PTPRF: variants seen among roughly 807,000 people sequenced by gnomAD.
The protein encoded by PTPRF is receptor-type tyrosine-protein phosphatase F.
A neutral mutation model predicts 201.8 loss-of-function variants in PTPRF; 59 were observed. The observed-to-expected ratio is 0.29, with a 90% CI of 0.24 to 0.36. The LOEUF (loss-of-function observed/expected upper bound fraction) is 0.36, where lower values mean the gene tolerates loss of function less well. Ranked by LOEUF, PTPRF falls within the 10% of genes least tolerant of loss-of-function variation. The pLI is 1.00. For missense variants in PTPRF, 2,132 were observed against 2,690.5 expected, an observed-to-expected ratio of 0.79 and a Z score of 4.59; for synonymous variants, 1,088 against 1,089.7, an observed-to-expected ratio of 1.00 and a Z score of 0.03.
rs754030742 is a variant in PTPRF, at chr1:43,553,973, T to G, written c.379+32T>G. 3 of 1,610,560 alleles carry G rather than the reference T, an allele frequency of 1.9e-6. No individual in the cohort carries two copies. The highest frequency in any genetic ancestry group is 2.5e-6 in the Non-Finnish European group (3 of 1,177,494). The stretch of plus-strand genomic sequence containing the variant: ...GCTAGGGAGACGTGGCACGGTGGGC[T>G]GCCGGGCTGAGGCGTGGGAAGAGCC... On this transcript the variant is annotated intron_variant, in intron 5 of 33. Coordinates refer to ENST00000359947, the MANE Select transcript of PTPRF (RefSeq NM_002840.5). The surrounding 1 kb of genome is among the most constrained non-coding windows in gnomAD (Gnocchi z 4.1).
chr1:43,591,531 C>T lies in PTPRF; in HGVS notation c.1509C>T (p.Ile503=), dbSNP rs1420226841. The T allele has an allele frequency of 6.3e-7, 1 of 1,595,580 alleles. No homozygotes were observed. ...AVGDGPPSPT[I]QVKTQQGVPA... is the part of the protein sequence containing the mutation. ...GCGATGGCCCTCCCAGCCCCACCAT[C>T]CAGGTCAAGACGCAGCAGGGAGGTA... Residue 503 remains isoleucine, a synonymous_variant, in exon 9 of 34, where the codon ATC becomes ATT. Coordinates refer to ENST00000359947, the MANE Select transcript of PTPRF (RefSeq NM_002840.5).
At chr1:43,524,050 CAAAAAAAAAA>C (rs57088994), upstream of PTPRF, among the ~76,000 whole-genome samples, 6 of 80,668 alleles carry the variant, frequency 7.4e-5, 1 homozygote, top group South Asian at 9.7e-4. Context: ...GAGACTCTGT[CAAAAAAAAAA>C]AAAAAAAAAA....
rs1256842342 is a variant in PTPRF at position 43,603,400 on chromosome 1, C to A, written c.2341-16C>A. 1.2e-6 allele frequency: 2 copies of A among 1,608,788 alleles called. No homozygotes were observed. The highest frequency in any genetic ancestry group is 1.7e-6 in the Non-Finnish European group (2 of 1,175,188). ...TGCATTCTTGTGATGGGAACGAACC[C>A]CTCCTCCTCCCTCAGGAAACCACTA... On this transcript the variant is annotated splice_polypyrimidine_tract_variant and intron_variant, in intron 14 of 33. Coordinates refer to ENST00000359947, the MANE Select transcript of PTPRF (RefSeq NM_002840.5). This position sits in a 1 kb window ranked among gnomAD's most constrained non-coding sequence, Gnocchi z 5.8.
rs757908835 is a variant in PTPRF, at chr1:43,603,698, A to G, written c.2546A>G (p.Glu849Gly). ...CACCCACCCAAGGAACTGCCTGGCG[A>G]GCTGCTGGGCTACCGGCTGCAGTAC... ...QWHPPKELPGELLGYRLQYCR... is the reference protein window; with the variant it reads ...QWHPPKELPGGLLGYRLQYCR... The change falls in exon 16 of 34, where the codon GAG (glutamate) becomes GGG (glycine). Residue 849 changes from glutamate to glycine, a missense_variant. By Grantham distance (98) the Glu-to-Gly change is moderately conservative. This residue lies in a region of PTPRF where 818 missense variants were observed against 915.3 expected (regional missense o/e 0.89). Coordinates refer to ENST00000359947, the MANE Select transcript of PTPRF (RefSeq NM_002840.5). The surrounding 1 kb of genome is among the most constrained non-coding windows in gnomAD (Gnocchi z 5.8). 32 of 1,613,726 alleles carry G rather than the reference A, an allele frequency of 2.0e-5. No individual in the cohort carries two copies. In the South Asian group the frequency reaches 3.2e-4, roughly 16 times the overall value.
chr1:43,575,271 C>T (rs1404493297), intron 6 of PTPRF, among the ~76,000 whole-genome samples: 1 of 152,230 alleles, frequency 6.6e-6, no homozygotes, highest in African/African-American at 2.4e-5. Flanking sequence ...GCCCTGATCT[C>T]TGCCTCTCGC....
Position 43,605,219 on chromosome 1 carries a change from G to A in PTPRF, c.3165G>A (p.Val1055=). 2 of 1,605,036 alleles carry A rather than the reference G, an allele frequency of 1.2e-6. No homozygotes were observed. The change falls in exon 18 of 34, where the codon GTG becomes GTA. Residue 1055 remains valine, a synonymous_variant. Coordinates refer to ENST00000359947, the MANE Select transcript of PTPRF (RefSeq NM_002840.5). ...KILYNGQSVE[V]DGHSMRKLIA... ...TGTACAATGGGCAGAGTGTGGAGGT[G>A]GACGGGCACTCGATGCGGAAGCTGA...
Position 43,597,787 on chromosome 1 carries a change from T to C in PTPRF, c.1853T>C (p.Met618Thr). 2 of 1,581,790 alleles carry C rather than the reference T, an allele frequency of 1.3e-6. No individual in the cohort carries two copies. The highest frequency in any genetic ancestry group is 1.7e-6 in the Non-Finnish European group (2 of 1,162,084). The change falls in exon 12 of 34, where the codon ATG becomes ACG. Residue 618 changes from methionine to threonine, a missense_variant. By Grantham distance (81) the Met-to-Thr change is moderately conservative (BLOSUM62 -1). Around this residue, in one of 6 missense-constraint regions of PTPRF, gnomAD observed 125 missense variants for 211.9 expected, o/e 0.59. Coordinates refer to ENST00000359947, the MANE Select transcript of PTPRF (RefSeq NM_002840.5). Reference sequence around the variant, plus strand: ...CCCCAGAAGGTGATGTGTGTGAGCATGGGCTCCACCACGGTCCGGGTAAGT... The same window carrying C: ...CCCCAGAAGGTGATGTGTGTGAGCACGGGCTCCACCACGGTCCGGGTAAGT... ...APPQKVMCVS[M>T]GSTTVRVSWV...
chr1:43,550,837 T>C (rs1170779788), intron 3 of PTPRF, among the ~76,000 whole-genome samples: 1 of 151,912 alleles, frequency 6.6e-6, no homozygotes, highest in African/African-American at 2.4e-5. Context: ...GAGAAGGCAG[T>C]GATACTTAAA....
At chr1:43,616,091 T>G (rs516921) in intron 23 of PTPRF, among the ~76,000 whole-genome samples, 123,200 of 151,764 alleles carry the variant, frequency 0.81, 50,679 homozygotes, top group African/African-American at 0.93. Context: ...CAGCCTGAGG[T>G]GTGGGGTGTG....
chr1:43,566,005 G>A (rs1187592636), intron 5 of PTPRF, among the ~76,000 whole-genome samples: 2 of 152,372 alleles, frequency 1.3e-5, no homozygotes, highest in South Asian at 2.1e-4. Context: ...TGCATCCCGG[G>A]GTTGGAAAAT....
chr1:43,568,464 C>T (rs7349097), intron 5 of PTPRF, among the ~76,000 whole-genome samples: 54,782 of 151,962 alleles, frequency 0.36, 10,176 homozygotes, highest in East Asian at 0.46. Flanking sequence ...GAGTGAATTC[C>T]GCATCAGATG....
At position 43,603,228 on chromosome 1, in the gene PTPRF, T is replaced by C. The variant is rs1375846761; in HGVS notation, c.2341-188T>C. On this transcript the variant is annotated intron_variant, in intron 14 of 33. Transcript: ENST00000359947. This position sits in a 1 kb window ranked among gnomAD's most constrained non-coding sequence, Gnocchi z 5.8. Reference sequence around the variant, plus strand: ...GCGGCTCCTGGGATGGGCGGGGTCCTCCCAGGCCTGCATCCTACCTGCCTG... The same window carrying C: ...GCGGCTCCTGGGATGGGCGGGGTCCCCCCAGGCCTGCATCCTACCTGCCTG... Among the ~76,000 whole-genome samples the C allele has an allele frequency of 6.6e-6, 1 of 152,094 alleles. No individual in the cohort carries two copies. The highest frequency in any genetic ancestry group is 1.5e-5 in the Non-Finnish European group (1 of 67,992).
rs926440051 is a variant in PTPRF, at chr1:43,542,718, G to A, written c.-45-2313G>A. 6.6e-6 allele frequency among the ~76,000 whole-genome samples: 1 copy of A among 152,112 alleles called. No individual in the cohort carries two copies. Among genetic ancestry groups the A allele is most frequent in the African/African-American group, 2.4e-5 (1 of 41,380 alleles). On this transcript the variant is annotated intron_variant, in intron 2 of 33. Transcript: ENST00000359947. This position sits in a 1 kb window ranked among gnomAD's most constrained non-coding sequence, Gnocchi z 5.2. ...TTATCAGGCAGCTGCACTCCATGAT[G>A]TCTGTACCCTCTGTGTCCGCCCACG...
upstream of PTPRF, among the ~76,000 whole-genome samples, chr1:43,522,953 G>A (rs575819459): frequency 9.2e-5 from 14 of 152,288 alleles, no homozygotes; most frequent in South Asian, 2.5e-3. Flanking sequence ...GAGATAAGAT[G>A]GGGGAGGGGC....
intron 7 of PTPRF, among the ~76,000 whole-genome samples, chr1:43,585,004 G>A (rs1648755280): frequency 6.6e-6 from 1 of 152,236 alleles, no homozygotes; most frequent in African/African-American, 2.4e-5. Flanking sequence ...ATATAATCCA[G>A]AAATGGCAGG....
rs766854696 is a variant in PTPRF at position 43,617,558 on chromosome 1, C to T, written c.4185C>T (p.Thr1395=). ...IAYDHSRVIL[T]SIDGVPGSDY... is the part of the protein sequence containing the mutation. The stretch of plus-strand genomic sequence containing the variant: ...ACGACCACTCTCGAGTCATCCTTAC[C>T]TCTATCGATGGTGAGCCAAGGGGGT... The change falls in exon 24 of 34, where the codon ACC becomes ACT. Residue 1395 remains threonine, a synonymous_variant. Transcript: ENST00000359947. The T allele has an allele frequency of 1.2e-6, 2 of 1,613,986 alleles. No individual in the cohort carries two copies. Among genetic ancestry groups the T allele is most frequent in the Non-Finnish European group, 1.7e-6 (2 of 1,179,990 alleles).
chr1:43,578,297 G>A (rs1386327666), intron 6 of PTPRF, among the ~76,000 whole-genome samples: 1 of 152,222 alleles, frequency 6.6e-6, no homozygotes, highest in Admixed American at 6.5e-5. Context: ...GAGGCTGCTG[G>A]GCACCAGGCC....
At chr1:43,582,427 ACT>A (rs1418661377) in intron 7 of PTPRF, 1 of 151,010 alleles carries the variant, frequency 6.6e-6, no homozygotes, top group African/African-American at 2.4e-5. Flanking sequence ...TCACCACCTG[ACT>A]CTCCCTGAGT....
chr1:43,592,067 T>C, intron 10 of PTPRF, 119 bp downstream of exon 10: 1 of 1,409,328 alleles, frequency 7.1e-7, no homozygotes, highest in Non-Finnish European at 9.7e-7. Context: ...GCCTCTAAGG[T>C]TTCTGCTGGA....
Sources: gnomAD v4.1 joint callset for allele counts (sites outside exome capture counted in the v4.1 genomes callset) on GRCh38, gnomAD v4.1.1 for gene constraint, gnomAD v4.1.1 regional missense constraint, Gnocchi (gnomAD v3.1) non-coding constraint, MANE v1.5 for transcripts, NCBI Gene and HGNC (gene_info 2026-07-23, HGNC 2026-07-21) for gene names.